The following USP10 variants were observed in gnomAD, a reference collection of about 807,000 sequenced individuals.
USP10 encodes the protein ubiquitin specific peptidase 10, also known as ubiquitin carboxyl-terminal hydrolase 10.
Under a neutral mutation model 84.5 loss-of-function variants are expected in USP10, and 22 were observed. The observed-to-expected ratio is 0.26, with a 90% CI of 0.19 to 0.37. USP10 has a LOEUF of 0.37. USP10 is among the 10% of genes least tolerant of loss of function. The pLI is 1.00. For missense variants in USP10, 1,019 were observed against 998.9 expected (o/e 1.02, Z -0.27); for synonymous variants, 454 against 387.6 (o/e 1.17, Z -2.01).
chr16:84,701,303 T>C (rs142016461), intron 1 of USP10, among the ~76,000 whole-genome samples: 1 of 152,382 alleles, frequency 6.6e-6, no homozygotes, highest in Non-Finnish European at 1.5e-5. Flanking sequence ...AGCTGTAGTT[T>C]AGTTTGCATC....
intron 1 of USP10, among the ~76,000 whole-genome samples, chr16:84,707,660 C>T (rs1905712021): frequency 1.3e-5 from 2 of 152,148 alleles, no homozygotes; most frequent in Admixed American, 6.5e-5. Context: ...CCTAATTTTG[C>T]CAGGGAATGA....
At chr16:84,752,489 C>T (rs1460267439) in intron 4 of USP10, among the ~76,000 whole-genome samples, 1 of 152,162 alleles carries the variant, frequency 6.6e-6, no homozygotes, top group Non-Finnish European at 1.5e-5. Context: ...ATTCTTTTAG[C>T]CTCCATAATT....
chr16:84,775,675 C>T (rs964114540), intron 13 of USP10, among the ~76,000 whole-genome samples: 1 of 152,138 alleles, frequency 6.6e-6, no homozygotes, highest in African/African-American at 2.4e-5. Context: ...GAGGGTGGGC[C>T]CGATTACACA....
chr16:84,751,721 C>G (rs909813724), intron 4 of USP10, among the ~76,000 whole-genome samples: 2 of 152,128 alleles, frequency 1.3e-5, no homozygotes, highest in African/African-American at 4.8e-5. Context: ...GGAGAATGTT[C>G]TGGACAGTTA....
At chr16:84,748,652 C>G (rs1911540382) in intron 4 of USP10, among the ~76,000 whole-genome samples, 1 of 152,128 alleles carries the variant, frequency 6.6e-6, no homozygotes, top group Non-Finnish European at 1.5e-5. Context: ...AGGAAAACCT[C>G]CCATCTTAGG....
At chr16:84,709,209 A>G (rs1905951615) in intron 1 of USP10, 1 of 152,158 alleles carries the variant, frequency 6.6e-6, no homozygotes, top group Non-Finnish European at 1.5e-5. Context: ...CGTACACGTC[A>G]CTCCAAACTG....
intron 9 of USP10, among the ~76,000 whole-genome samples, chr16:84,763,679 G>C (rs935639953): frequency 6.6e-6 from 1 of 152,266 alleles, no homozygotes; most frequent in Non-Finnish European, 1.5e-5. Flanking sequence ...CAGTGGTGGT[G>C]CACCTGTTGC....
intron 4 of USP10, among the ~76,000 whole-genome samples, chr16:84,753,559 C>T (rs1478964314): frequency 3.9e-5 from 6 of 152,162 alleles, no homozygotes; most frequent in Admixed American, 2.6e-4. Flanking sequence ...GTTCCAGGTG[C>T]GGAGTGATCT....
At chr16:84,702,988 C>T (rs1357692141) in intron 1 of USP10, among the ~76,000 whole-genome samples, 4 of 29,372 alleles carry the variant, frequency 1.4e-4, no homozygotes, top group East Asian at 1.4e-3. Flanking sequence ...GCAAGACTCC[C>T]GTCTCAAAAA....
intron 9 of USP10, among the ~76,000 whole-genome samples, 177 bp from the exon 10 acceptor site, chr16:84,763,909 T>G (rs1405453364): frequency 2.6e-5 from 4 of 152,104 alleles, no homozygotes; most frequent in Admixed American, 1.3e-4. Flanking sequence ...ACATTGTGCC[T>G]GTTGCGATTG....
intron 1 of USP10, among the ~76,000 whole-genome samples, chr16:84,710,883 T>C (rs1906195942): frequency 6.6e-6 from 1 of 152,180 alleles, no homozygotes; most frequent in Admixed American, 6.5e-5. Flanking sequence ...TGTGTACAGC[T>C]TTTTTTGTTT....
In USP10 at chr16:84,759,791, A is replaced by G. The variant is rs190359480; in HGVS notation, c.1395-100A>G. ...CAGCATTGGTTACCTAAAATCTACT[A>G]TACTCGTATAGCTGATATTCTACTT... is the stretch of plus-strand genomic sequence containing the variant. On this transcript the variant is annotated intron_variant, in intron 6 of 13. Coordinates refer to ENST00000219473, the MANE Select transcript of USP10 (RefSeq NM_005153.3). The G allele has an allele frequency of 1.0e-4, 127 of 1,212,406 alleles. 2 individuals carry two copies. The East Asian group carries it at 2.9e-3, about 27-fold the overall frequency. The allele number at this position is 1,212,406 out of a possible 1,614,324, so 75.1% of individuals were successfully genotyped here.
chr16:84,760,831 A>C (rs1913124236), intron 8 of USP10, among the ~76,000 whole-genome samples: 2 of 152,160 alleles, frequency 1.3e-5, no homozygotes, highest in African/African-American at 4.8e-5. Context: ...CGCCCTTAGC[A>C]CCGTTAACTG....
chr16:84,709,474 G>A (rs1397916040), intron 1 of USP10, among the ~76,000 whole-genome samples: 1 of 152,152 alleles, frequency 6.6e-6, no homozygotes, highest in Non-Finnish European at 1.5e-5. Context: ...GAAAAGTGTG[G>A]AAGAGGGGGT....
intron 2 of USP10, among the ~76,000 whole-genome samples, chr16:84,733,723 C>G (rs1909535944): frequency 6.6e-6 from 1 of 152,180 alleles, no homozygotes; most frequent in Non-Finnish European, 1.5e-5. Context: ...TAAAACATTA[C>G]AGATGCAACT....
At chr16:84,775,495 C>A (rs912036291) in intron 13 of USP10, among the ~76,000 whole-genome samples, 3 of 152,196 alleles carry the variant, frequency 2.0e-5, no homozygotes, top group Non-Finnish European at 4.4e-5. Context: ...TTTCAGGCTC[C>A]CAGGCTGGCT....
Position 84,700,015 on chromosome 16 carries a change from G to A in USP10, c.-76G>A. ...CGGCCGATGCGAGTGTGTATGTGCG[G>A]GCGAGAAGATGGCGGCGGCGGGGGA... On this transcript the variant is annotated 5_prime_UTR_variant, in exon 1 of 14. Coordinates refer to ENST00000219473, the MANE Select transcript of USP10 (RefSeq NM_005153.3). 5 of 1,307,744 alleles carry A rather than the reference G, an allele frequency of 3.8e-6. No homozygotes were observed. Among genetic ancestry groups the A allele is most frequent in the Non-Finnish European group, 3.0e-6 (3 of 999,904 alleles). 81.0% of individuals were successfully genotyped at this position (1,307,744 alleles called of 1,614,324 possible).
chr16:84,721,340 G>A (rs1433115892), intron 1 of USP10, among the ~76,000 whole-genome samples: 1 of 152,192 alleles, frequency 6.6e-6, no homozygotes, highest in Non-Finnish European at 1.5e-5. Context: ...AACAAATAGA[G>A]CGTACTGAGG....
intron 1 of USP10, among the ~76,000 whole-genome samples, chr16:84,700,762 A>G (rs2150745899): frequency 6.6e-6 from 1 of 152,266 alleles, no homozygotes; most frequent in South Asian, 2.1e-4. Context: ...CATCCCAGCC[A>G]GGCTGACAAC....
Sources: allele counts gnomAD v4.1 joint callset (sites outside exome capture counted in the v4.1 genomes callset), GRCh38; gene constraint gnomAD v4.1.1; transcripts MANE v1.5; gene names NCBI Gene and HGNC (gene_info 2026-07-23, HGNC 2026-07-21).